Variants in EIF2AK4 observed in about 807,000 individuals in gnomAD.
The protein encoded by EIF2AK4 is eIF-2-alpha kinase GCN2.
Under a neutral mutation model 211.1 loss-of-function variants are expected in EIF2AK4, and 139 were observed. The observed-to-expected ratio is 0.66, with a 90% confidence interval of 0.57 to 0.76. The LOEUF (loss-of-function observed/expected upper bound fraction) is 0.76. Among genes scored for constraint, EIF2AK4 ranks in the 30% least tolerant of loss-of-function variants. EIF2AK4 has a pLI of 0.00. For synonymous variants in EIF2AK4, 710 were observed against 751.3 expected, an observed-to-expected ratio of 0.94 and a Z score of 0.90; for missense variants, 1,664 against 2,043.8, an observed-to-expected ratio of 0.81 and a Z score of 3.58.
At chr15:39,949,324 A>G in intron 4 of EIF2AK4, 56 bp downstream of exon 4, 3 of 1,592,942 alleles carry the variant, frequency 1.9e-6, no homozygotes, top group Middle Eastern at 1.9e-4. Flanking sequence ...ATTGCAAACT[A>G]CTGTAGGTTT....
chr15:39,940,626 C>T (rs1286146356), intron 2 of EIF2AK4, among the ~76,000 whole-genome samples: 1 of 151,846 alleles, frequency 6.6e-6, no homozygotes, highest in Non-Finnish European at 1.5e-5. Context: ...AATTATAAAA[C>T]ATTAATGAAA....
intron 32 of EIF2AK4, among the ~76,000 whole-genome samples, chr15:40,025,561 G>A (rs1430789851): frequency 1.3e-5 from 2 of 152,114 alleles, no homozygotes; most frequent in Admixed American, 6.5e-5. Context: ...ATGAAGCTGA[G>A]ATCTGAGAAA....
At chr15:40,030,950 T>C (rs1361782974) in intron 35 of EIF2AK4, among the ~76,000 whole-genome samples, 1 of 152,002 alleles carries the variant, frequency 6.6e-6, no homozygotes, top group Non-Finnish European at 1.5e-5. Flanking sequence ...TAAAAGCAAA[T>C]AAATATAGGC....
intron 35 of EIF2AK4, 129 bp from the exon 36 acceptor site, chr15:40,032,040 A>T: frequency 1.2e-6 from 1 of 841,552 alleles, no homozygotes; most frequent in Non-Finnish European, 2.0e-6. Flanking sequence ...GCAAACCTTT[A>T]GACACCATTT....
At chr15:39,989,483 T>C (rs12899649) in intron 15 of EIF2AK4, among the ~76,000 whole-genome samples, 14,987 of 152,236 alleles carry the variant, frequency 0.098, 876 homozygotes, top group Middle Eastern at 0.24. Context: ...TGTGATTTTA[T>C]CCTGGGATGC....
At position 39,941,068 on chromosome 15, in the gene EIF2AK4, A is replaced by G. The variant is rs117288449; in HGVS notation, c.257+1451A>G. 3.2e-3 allele frequency among the ~76,000 whole-genome samples: 489 copies of G among 152,246 alleles called. 4 individuals carry two copies. In the East Asian group the frequency reaches 0.04, roughly 12 times the overall value. ...GTGTGGGAAGAGGCACAGAGCTCCC[A>G]TACCCTCTCCAGGCCTGGCACCCTC... On this transcript the variant is annotated intron_variant, in intron 2 of 38. Transcript: ENST00000263791.
At chr15:39,954,008 T>C in intron 5 of EIF2AK4, 24 bp downstream of exon 5, 1 of 1,538,894 alleles carries the variant, frequency 6.5e-7, no homozygotes, top group African/African-American at 1.4e-5. Flanking sequence ...TCCACCATAA[T>C]AATTTACATT....
At chr15:39,946,935 TA>T (rs1164656822) in intron 3 of EIF2AK4, 1 of 408,184 alleles carries the variant, frequency 2.4e-6, no homozygotes, top group Non-Finnish European at 4.4e-6. Context: ...ATTTCACACT[TA>T]ATAGACTACC....
intron 2 of EIF2AK4, among the ~76,000 whole-genome samples, chr15:39,940,058 C>T (rs902304325): frequency 2.6e-5 from 4 of 152,288 alleles, no homozygotes; most frequent in Non-Finnish European, 5.9e-5. Context: ...TTGGATCTGT[C>T]CTGCCTCTCA....
intron 32 of EIF2AK4, among the ~76,000 whole-genome samples, chr15:40,024,444 T>C (rs1424685469): frequency 2.1e-5 from 3 of 146,084 alleles, no homozygotes; most frequent in African/African-American, 7.6e-5. Context: ...ATTCTTGCTC[T>C]GTCACGCAGG....
rs755484247 is a variant in EIF2AK4 at position 40,009,595 on chromosome 15, A to G, written c.3577-19A>G. On this transcript the variant is annotated intron_variant, in intron 25 of 38. Coordinates refer to ENST00000263791, the MANE Select transcript of EIF2AK4 (RefSeq NM_001013703.4). The stretch of plus-strand genomic sequence containing the variant: ...AATTGCTTTTATAATGAAAATAGTA[A>G]TTTTTCTCCATATCCCAGGAAAGAA... 1 of 1,498,334 alleles carries G rather than the reference A, an allele frequency of 6.7e-7. No homozygotes were observed. Among genetic ancestry groups the G allele is most frequent in the East Asian group, 2.3e-5 (1 of 43,284 alleles). 92.8% of individuals were successfully genotyped at this position (1,498,334 alleles called of 1,614,324 possible).
intron 4 of EIF2AK4, among the ~76,000 whole-genome samples, chr15:39,953,544 T>C (rs556197443): frequency 3.1e-4 from 47 of 152,258 alleles, no homozygotes; most frequent in African/African-American, 8.7e-4. Flanking sequence ...CAGGCACAAG[T>C]GCTTGTTCTC....
In EIF2AK4 at chr15:39,988,235, A is replaced by G. The variant is rs573868455; in HGVS notation, c.2526+130A>G. ...AGCTATGGGTATATTGACATAATCTATTTTTGTAGGAAATAGAACAAAGTG... is the reference window on the plus strand; with the variant it reads ...AGCTATGGGTATATTGACATAATCTGTTTTTGTAGGAAATAGAACAAAGTG... On this transcript the variant is annotated intron_variant, in intron 15 of 38. Transcript: ENST00000263791. 4.5e-5 allele frequency: 43 copies of G among 965,828 alleles called. No individual in the cohort carries two copies. The South Asian group carries it at 5.7e-4, about 13-fold the overall frequency. The allele number at this position is 965,828 out of a possible 1,614,324, so 59.8% of individuals were successfully genotyped here. A position where few individuals can be genotyped will look rare whatever the true frequency, so the allele number is the denominator to read the frequency against.
chr15:39,974,161 C>G (rs2034662722), intron 11 of EIF2AK4: 1 of 153,436 alleles, frequency 6.5e-6, no homozygotes, highest in African/African-American at 2.4e-5. Context: ...TGGGAGATGG[C>G]CCCAGCAGGT....
intron 1 of EIF2AK4, among the ~76,000 whole-genome samples, chr15:39,939,260 G>A (rs758646264): frequency 6.6e-6 from 1 of 152,304 alleles, no homozygotes; most frequent in Middle Eastern, 3.4e-3. Context: ...ACATCTGAAC[G>A]AATGGAAGCT....
At chr15:40,018,630 T>A (rs983493491) in intron 29 of EIF2AK4, among the ~76,000 whole-genome samples, 1 of 152,226 alleles carries the variant, frequency 6.6e-6, no homozygotes, top group Non-Finnish European at 1.5e-5. Flanking sequence ...CCTGTAATTT[T>A]AAATTATTTA....
In EIF2AK4 at chr15:39,949,102, G is replaced by A. The variant is rs928838948; in HGVS notation, c.361-14G>A. 1.4e-5 allele frequency: 22 copies of A among 1,605,326 alleles called. No individual in the cohort carries two copies. The African/African-American group carries it at 2.4e-4, about 18-fold the overall frequency. On this transcript the variant is annotated splice_polypyrimidine_tract_variant and intron_variant, in intron 3 of 38. Coordinates refer to ENST00000263791, the MANE Select transcript of EIF2AK4 (RefSeq NM_001013703.4). ...ATTTGATCATTTGTGGTTGATTTTT[G>A]TTTACATGTTTAGGTGATGATCTTT...
intron 21 of EIF2AK4, 77 bp from the exon 22 acceptor site, chr15:40,002,636 G>A (rs1049885089): frequency 1.3e-6 from 2 of 1,503,642 alleles, no homozygotes; most frequent in Middle Eastern, 1.7e-4. Flanking sequence ...AGTGCCTACT[G>A]CAAGCCACAG....
At chr15:39,941,795 G>C (rs2034148337) in intron 2 of EIF2AK4, among the ~76,000 whole-genome samples, 1 of 152,054 alleles carries the variant, frequency 6.6e-6, no homozygotes, top group Admixed American at 6.6e-5. Context: ...TTTCTCCCCA[G>C]GTTGTGGCAA....
Sources: gnomAD v4.1 joint callset for allele counts (sites outside exome capture counted in the v4.1 genomes callset) on GRCh38, gnomAD v4.1.1 for gene constraint, MANE v1.5 for transcripts, NCBI Gene and HGNC (gene_info 2026-07-23, HGNC 2026-07-21) for gene names.